Variants in ADA2 observed in about 807,000 individuals in gnomAD.
The protein encoded by ADA2 is adenosine deaminase CECR1.
In ADA2, 29 loss-of-function variants were observed where a neutral mutation model predicts 44.2. The ratio of observed to expected loss-of-function variants is 0.66; its 90% CI spans 0.49 to 0.89. The LOEUF is 0.89. Ranked by LOEUF, ADA2 falls within the 40% of genes least tolerant of loss-of-function variation. ADA2 has a pLI of 0.00. For missense variants in ADA2, 637 were observed against 644.8 expected (o/e 0.99, Z 0.13); for synonymous variants, 215 against 234.9 (o/e 0.92, Z 0.77).
chr22:17,186,201 G>A (rs1257227236), intron 7 of ADA2, among the ~76,000 whole-genome samples: 1 of 152,200 alleles, frequency 6.6e-6, no homozygotes, highest in Non-Finnish European at 1.5e-5. Context: ...ATTTCCAGCT[G>A]TGTGGCTTTA....
chr22:17,197,069 A>G (rs551843031), intron 4 of ADA2, among the ~76,000 whole-genome samples: 15 of 152,194 alleles, frequency 9.9e-5, no homozygotes, highest in Admixed American at 9.8e-4. Context: ...ACTACTCGGG[A>G]GGCTGAGGCA....
At chr22:17,194,492 G>A (rs2062165303) in intron 4 of ADA2, among the ~76,000 whole-genome samples, 1 of 152,110 alleles carries the variant, frequency 6.6e-6, no homozygotes, top group African/African-American at 2.4e-5. Context: ...CTCATCTCCA[G>A]GGTGCTGCCC....
chr22:17,199,446 T>TCCCACCCCTCCTCTATCCACTTCCCCA, intron 4 of ADA2: 1 of 917,624 alleles, frequency 1.1e-6, no homozygotes, highest in Non-Finnish European at 1.7e-6. Context: ...CCTCTTCCCC[T>TCCCACCCCTCCTCTATCCACTTCCCCA]CCACCCACGA....
chr22:17,188,229 G>T, intron 7 of ADA2, 110 bp downstream of exon 7: 1 of 692,182 alleles, frequency 1.4e-6, no homozygotes, highest in Non-Finnish European at 2.5e-6. Context: ...TAGAGCACAG[G>T]AAAGGGCTCT....
intron 2 of ADA2, among the ~76,000 whole-genome samples, chr22:17,208,754 G>A (rs1390444906): frequency 6.6e-6 from 1 of 151,864 alleles, no homozygotes; most frequent in African/African-American, 2.4e-5. Flanking sequence ...AGTGAGCCAA[G>A]ATCACACCAG....
At chr22:17,204,803 T>TTC (rs1434596930) in intron 3 of ADA2, among the ~76,000 whole-genome samples, 2 of 150,586 alleles carry the variant, frequency 1.3e-5, no homozygotes, top group Non-Finnish European at 3.0e-5. Context: ...TCTTTTTTTT[T>TTC]TTTTTTTTTG....
At chr22:17,201,967 C>CTTT (rs71200247) in intron 4 of ADA2, among the ~76,000 whole-genome samples, 90 of 102,958 alleles carry the variant, frequency 8.7e-4, no homozygotes, top group East Asian at 1.4e-3. Context: ...TTTCTTTTTT[C>CTTT]TTTTTTTTTT....
chr22:17,187,472 T>A (rs2062048729), intron 7 of ADA2, among the ~76,000 whole-genome samples: 1 of 151,804 alleles, frequency 6.6e-6, no homozygotes, highest in South Asian at 2.1e-4. Context: ...TATTTTTTTG[T>A]AGAGACAAAG....
At chr22:17,205,777 A>C (rs2062347735) in intron 3 of ADA2, among the ~76,000 whole-genome samples, 1 of 152,186 alleles carries the variant, frequency 6.6e-6, no homozygotes, top group Non-Finnish European at 1.5e-5. Context: ...CGCAGAGTTC[A>C]AGACCAGCCT....
chr22:17,220,239 G>A (rs1180757010), upstream of ADA2, among the ~76,000 whole-genome samples: 1 of 152,112 alleles, frequency 6.6e-6, no homozygotes, highest in Non-Finnish European at 1.5e-5. Flanking sequence ...GGACAGTAGA[G>A]GGGGCAGGAG....
At chr22:17,217,973 C>G (rs903815645) in intron 1 of ADA2, among the ~76,000 whole-genome samples, 10 of 152,172 alleles carry the variant, frequency 6.6e-5, no homozygotes, top group Non-Finnish European at 1.3e-4. Context: ...TTGGGCAAAT[C>G]ACTAACGTCT....
intron 6 of ADA2, chr22:17,189,686 A>C: frequency 2.3e-6 from 1 of 434,898 alleles, no homozygotes. Flanking sequence ...TTATTCTGGA[A>C]CTTTCCTTGT....
At chr22:17,207,400 G>A (rs753230386) in intron 2 of ADA2, 110 bp from the exon 3 acceptor site, 20 of 769,894 alleles carry the variant, frequency 2.6e-5, no homozygotes, top group Non-Finnish European at 4.0e-5. Flanking sequence ...CTCTGGGGCT[G>A]TGGGGACAAA....
upstream of ADA2, among the ~76,000 whole-genome samples, chr22:17,220,830 A>C (rs1447463032): frequency 6.6e-6 from 1 of 152,184 alleles, no homozygotes; most frequent in Non-Finnish European, 1.5e-5. Context: ...AATAAACAGG[A>C]AGAAATCCCA....
intron 4 of ADA2, among the ~76,000 whole-genome samples, chr22:17,197,814 G>A (rs546422966): frequency 2.6e-5 from 4 of 152,236 alleles, no homozygotes; most frequent in East Asian, 3.9e-4. Flanking sequence ...CAAGGCGGGC[G>A]GATCACCTGA....
rs571335153 is a variant in ADA2, at chr22:17,203,751, C to A, written c.565G>T (p.Val189Leu). The A allele has an allele frequency of 6.2e-7, 1 of 1,613,756 alleles. No individual in the cohort carries two copies. The highest frequency in any genetic ancestry group is 8.5e-7 in the Non-Finnish European group (1 of 1,179,742). ...DDSLLRNFTL[V>L]TQHPEVIYTN... ...TAAATCACCTCCGGGTGCTGGGTCA[C>A]CAGAGTGAAATTCCTCAGCAAGCTG... Residue 189 changes from valine (V) to leucine (L), a missense_variant, in exon 4 of 10, where the codon GTG becomes TTG. By Grantham distance (32) the Val-to-Leu change is conservative (BLOSUM62 1). Coordinates refer to ENST00000399837, the MANE Select transcript of ADA2 (RefSeq NM_001282225.2).
At chr22:17,197,916 T>A (rs1226205346) in intron 4 of ADA2, among the ~76,000 whole-genome samples, 3 of 152,022 alleles carry the variant, frequency 2.0e-5, no homozygotes, top group Non-Finnish European at 4.4e-5. Context: ...CACATGCCTG[T>A]ATTCCCAGCT....
At position 17,202,002 on chromosome 22, in the gene ADA2, C is replaced by T. The variant is rs540672436; in HGVS notation, c.753+1561G>A. 6.2e-5 allele frequency among the ~76,000 whole-genome samples: 8 copies of T among 129,248 alleles called. No homozygotes were observed. The South Asian group carries it at 7.3e-4, about 12-fold the overall frequency. 84.8% of individuals were successfully genotyped at this position (129,248 alleles called of 152,430 possible). ...TTTTTTTTTTTTTGAGACGGAGTCT[C>T]GCTCTGTCATCCAGGCTGAAGAGCA... On this transcript the variant is annotated intron_variant, in intron 4 of 9. Transcript: ENST00000399837.
intron 2 of ADA2, 78 bp from the exon 3 acceptor site, chr22:17,207,368 G>A: frequency 9.3e-7 from 1 of 1,072,290 alleles, no homozygotes; most frequent in South Asian, 1.4e-5. Context: ...GACAAAGGAG[G>A]GGGTGAAGTC....
Sources: allele counts gnomAD v4.1 joint callset (sites outside exome capture counted in the v4.1 genomes callset), GRCh38; gene constraint gnomAD v4.1.1; transcripts MANE v1.5; gene names NCBI Gene and HGNC (gene_info 2026-07-23, HGNC 2026-07-21).